TMEM218: variants seen among roughly 807,000 people sequenced by gnomAD.
TMEM218 encodes the protein transmembrane protein 218.
Under a neutral mutation model 10.0 loss-of-function variants are expected in TMEM218, and 8 were observed. The ratio of observed to expected loss-of-function variants is 0.80; its 90% CI spans 0.47 to 1.44. The LOEUF (loss-of-function observed/expected upper bound fraction) is 1.44, where lower values mean the gene tolerates loss of function less well. Among genes scored for constraint, TMEM218 ranks in the 40% most tolerant of loss-of-function variants. TMEM218 has a pLI of 0.00. For synonymous variants in TMEM218, 66 were observed against 63.5 expected, an observed-to-expected ratio of 1.04 and a Z score of -0.18; for missense variants, 110 against 140.1, an observed-to-expected ratio of 0.79 and a Z score of 1.08.
Position 125,097,403 on chromosome 11 carries a change from G to T in TMEM218, c.*203C>A, listed in dbSNP as rs1195076959. ...AGATAGCAATATCCTTCTTAAGCTGGTAAGAATCTAGCCCCACAGGGACAA... is the reference window on the plus strand; with the variant it reads ...AGATAGCAATATCCTTCTTAAGCTGTTAAGAATCTAGCCCCACAGGGACAA... On this transcript the variant is annotated 3_prime_UTR_variant, in exon 5 of 5. Transcript: ENST00000682305. The T allele has an allele frequency of 2.0e-6, 1 of 501,996 alleles. No homozygotes were observed. 31.1% of individuals were successfully genotyped at this position (501,996 alleles called of 1,614,324 possible).
chr11:125,098,110 A>G (rs984254582), intron 4 of TMEM218, among the ~76,000 whole-genome samples: 52 of 152,354 alleles, frequency 3.4e-4, no homozygotes, highest in Admixed American at 2.7e-3. Context: ...TTTATTACGG[A>G]GAATTTTAAA....
At chr11:125,106,554 T>C (rs144149218) in intron 1 of TMEM218, among the ~76,000 whole-genome samples, 21 of 152,360 alleles carry the variant, frequency 1.4e-4, no homozygotes, top group African/African-American at 5.0e-4. Context: ...AGAAAGAGGA[T>C]ACCTGAATGA....
intron 1 of TMEM218, among the ~76,000 whole-genome samples, chr11:125,105,360 T>A (rs1473592163): frequency 6.6e-6 from 1 of 152,160 alleles, no homozygotes; most frequent in Admixed American, 6.5e-5. Flanking sequence ...CAAGAGTAAG[T>A]GTAAAACAAA....
chr11:125,102,563 A>G (rs2135788745), intron 2 of TMEM218, 171 bp downstream of exon 2: 1 of 1,357,256 alleles, frequency 7.4e-7, no homozygotes, highest in South Asian at 1.2e-5. Flanking sequence ...CAAATTTGGT[A>G]CCTGAGTTCT....
chr11:125,100,347 A>G (rs1246537499), intron 4 of TMEM218, among the ~76,000 whole-genome samples: 2 of 152,180 alleles, frequency 1.3e-5, no homozygotes, highest in Non-Finnish European at 2.9e-5. Context: ...CTTACCTATA[A>G]AATGGGGATA....
chr11:125,102,827 G>A lies in TMEM218; in HGVS notation c.-152-18C>T. 2 of 686,106 alleles carry A rather than the reference G, an allele frequency of 2.9e-6. No homozygotes were observed. The highest frequency in any genetic ancestry group is 1.7e-5 in the South Asian group (1 of 57,374). 42.5% of individuals were successfully genotyped at this position (686,106 alleles called of 1,614,324 possible). ...TCCCAGTCCTTAAAGAAGAGGAACA[G>A]CCATCACTATTTTTGAACATTCACT... On this transcript the variant is annotated intron_variant, in intron 1 of 4. Coordinates refer to ENST00000682305, the MANE Select transcript of TMEM218 (RefSeq NM_001258244.2).
intron 4 of TMEM218, among the ~76,000 whole-genome samples, chr11:125,099,574 G>A (rs905566216): frequency 5.3e-5 from 8 of 152,174 alleles, no homozygotes; most frequent in African/African-American, 1.9e-4. Context: ...TTCTCCCGAT[G>A]TTTACATCTG....
Position 125,097,743 on chromosome 11 carries a change from G to A in TMEM218, c.214-3C>T, listed in dbSNP as rs1278734270. On this transcript the variant is annotated splice_region_variant and splice_polypyrimidine_tract_variant and intron_variant, in intron 4 of 4. Transcript: ENST00000682305. ...CCAATGAAAAAGTCATCCACAATCT[G>A]GAGAAAGAAAACATCAAAATGAAAT... 1 of 1,612,672 alleles carries A rather than the reference G, an allele frequency of 6.2e-7. No individual in the cohort carries two copies. Among genetic ancestry groups the A allele is most frequent in the African/African-American group, 1.3e-5 (1 of 74,772 alleles).
chr11:125,101,952 A>G, intron 3 of TMEM218, 180 bp downstream of exon 3: 2 of 716,006 alleles, frequency 2.8e-6, no homozygotes, highest in South Asian at 2.6e-5. Context: ...TTCTCCTCCC[A>G]TCTCTGCTCC....
chr11:125,109,014 G>C (rs1401454654), intron 1 of TMEM218, among the ~76,000 whole-genome samples: 1 of 152,172 alleles, frequency 6.6e-6, no homozygotes, highest in Non-Finnish European at 1.5e-5. Context: ...TCTAGACACA[G>C]TCTTGCATAA....
In TMEM218 at chr11:125,095,515, A is replaced by ATTTT. The variant is rs1949536154; in HGVS notation, c.*2090_*2091insAAAA. Among the ~76,000 whole-genome samples the ATTTT allele has an allele frequency of 6.6e-6, 1 of 152,194 alleles. No homozygotes were observed. The highest frequency in any genetic ancestry group is 1.5e-5 in the Non-Finnish European group (1 of 68,034). On this transcript the variant is annotated 3_prime_UTR_variant, in exon 5 of 5. Coordinates refer to ENST00000682305, the MANE Select transcript of TMEM218 (RefSeq NM_001258244.2). ...TGCGGGGCTTTTTTTGCATAACTGC[A>ATTTT]TTGAGTATGCAGGTAGAAAGAAATC... is the stretch of plus-strand genomic sequence containing the variant.
Position 125,101,240 on chromosome 11 carries a change from C to T in TMEM218, c.174G>A (p.Pro58=), listed in dbSNP as rs746522788. The T allele has an allele frequency of 2.2e-5, 35 of 1,613,334 alleles. No homozygotes were observed. The highest frequency in any genetic ancestry group is 8.9e-5 in the East Asian group (4 of 44,892). Residue 58 remains proline, a synonymous_variant, in exon 4 of 5, where the codon CCG becomes CCA. Transcript: ENST00000682305. ...CTGGGGCTGGGAATTCACCAGCTCG[C>T]GGGAAAAGCAACAGAACTGATGTGA... ...VIITSVLLLF[P]RAGEFPAPEV...
rs1950961465 is a variant in TMEM218 at position 125,102,202 on chromosome 11, T to C, written c.40A>G (p.Ile14Val). The change falls in exon 3 of 5, where the codon ATC becomes GTC. Residue 14 changes from isoleucine (I) to valine (V), a missense_variant. Coordinates refer to ENST00000682305, the MANE Select transcript of TMEM218 (RefSeq NM_001258244.2). The stretch of plus-strand genomic sequence containing the variant: ...ACTGCCACCCAGAGCAGGGCTAAGA[T>C]GAACACGCCCGCACCGACTCCGAGC... ...TVLGVGAGVF[I>V]LALLWVAVLL... 1.2e-6 allele frequency: 2 copies of C among 1,612,838 alleles called. No individual in the cohort carries two copies. Among genetic ancestry groups the C allele is most frequent in the East Asian group, 2.2e-5 (1 of 44,834 alleles).
chr11:125,104,900 T>C (rs568188998), intron 1 of TMEM218: 5 of 152,250 alleles, frequency 3.3e-5, no homozygotes, highest in African/African-American at 1.2e-4. Context: ...GAAAAATCAT[T>C]AAGTGCTATA....
intron 4 of TMEM218, among the ~76,000 whole-genome samples, chr11:125,100,235 A>C (rs1950483377): frequency 6.6e-6 from 1 of 152,234 alleles, no homozygotes; most frequent in Non-Finnish European, 1.5e-5. Flanking sequence ...TTAAGTTCTC[A>C]ACACTGAAGA....
intron 2 of TMEM218, 67 bp downstream of exon 2, chr11:125,102,667 G>A: frequency 3.9e-6 from 5 of 1,292,902 alleles, no homozygotes; most frequent in Non-Finnish European, 5.0e-6. Context: ...CCAGGGCATG[G>A]GAACTCCAGG....
chr11:125,106,522 A>AT (rs1229981226), intron 1 of TMEM218, among the ~76,000 whole-genome samples: 1 of 152,242 alleles, frequency 6.6e-6, no homozygotes, highest in Non-Finnish European at 1.5e-5. Flanking sequence ...GATCAAGCAG[A>AT]TAAAAAAAGA....
rs1264447706 is a variant in TMEM218 at position 125,097,720 on chromosome 11, A to G, written c.234T>C (p.Ile78=). Residue 78 remains isoleucine, a synonymous_variant, in exon 5 of 5, where the codon ATT becomes ATC. Coordinates refer to ENST00000682305, the MANE Select transcript of TMEM218 (RefSeq NM_001258244.2). The part of the protein sequence containing the change: ...VEVKIVDDFF[I]GRYVLLAFLS... ...GGAAAGCCAGCAGGACATAGCGGCC[A>G]ATGAAAAAGTCATCCACAATCTGGA... 4 of 1,613,576 alleles carry G rather than the reference A, an allele frequency of 2.5e-6. No individual in the cohort carries two copies. The highest frequency in any genetic ancestry group is 3.3e-5 in the Admixed American group (2 of 59,884).
chr11:125,105,707 AC>A (rs1232146867), intron 1 of TMEM218, among the ~76,000 whole-genome samples: 20 of 152,316 alleles, frequency 1.3e-4, no homozygotes, highest in African/African-American at 4.3e-4. Flanking sequence ...AGTTAAAAAA[AC>A]ATACAGGTAA....
Sources: gnomAD v4.1 joint callset for allele counts (sites outside exome capture counted in the v4.1 genomes callset) on GRCh38, gnomAD v4.1.1 for gene constraint, MANE v1.5 for transcripts, NCBI Gene and HGNC (gene_info 2026-07-23, HGNC 2026-07-21) for gene names.